TTLL5: variants seen among roughly 807,000 people sequenced by gnomAD.
The protein encoded by TTLL5 is tubulin tyrosine ligase like 5.
In TTLL5, 132 loss-of-function variants were observed where a neutral mutation model predicts 168.4. The observed-to-expected ratio is 0.78, with a 90% CI of 0.68 to 0.91. The LOEUF (loss-of-function observed/expected upper bound fraction) is 0.91. Ranked by LOEUF, TTLL5 falls within the 40% of genes least tolerant of loss-of-function variation. TTLL5 has a pLI of 0.00. For missense variants in TTLL5, 1,545 were observed against 1,581.5 expected, an observed-to-expected ratio of 0.98 and a Z score of 0.39; for synonymous variants, 546 against 558.6, an observed-to-expected ratio of 0.98 and a Z score of 0.32.
In TTLL5 at chr14:75,796,033, T is replaced by G. The variant is rs143773083; in HGVS notation, c.3171+2933T>G. 8.3e-3 allele frequency among the ~76,000 whole-genome samples: 1,259 copies of G among 152,346 alleles called. 14 individuals are homozygous for G. Among genetic ancestry groups the G allele is most frequent in the African/African-American group, 0.029 (1,186 of 41,578 alleles). On this transcript the variant is annotated intron_variant, in intron 27 of 31. Coordinates refer to ENST00000298832, the MANE Select transcript of TTLL5 (RefSeq NM_015072.5). ...GTGTTTTCCATAATGGTTGTACTAG[T>G]TTACATTCCCACCAACAGTGTAAAA...
At chr14:75,927,492 GA>G (rs2034115135) in intron 31 of TTLL5, among the ~76,000 whole-genome samples, 1 of 151,786 alleles carries the variant, frequency 6.6e-6, no homozygotes, top group Non-Finnish European at 1.5e-5. Context: ...AAAGTAAGAG[GA>G]AAAAAAAGCC....
intron 29 of TTLL5, among the ~76,000 whole-genome samples, chr14:75,869,813 C>G (rs1459828622): frequency 2.5e-5 from 1 of 39,376 alleles, no homozygotes; most frequent in East Asian, 9.5e-4. Flanking sequence ...TGTATACATT[C>G]AACAAGTATT....
chr14:75,774,250 C>T (rs1400642326), intron 21 of TTLL5, among the ~76,000 whole-genome samples: 2 of 152,150 alleles, frequency 1.3e-5, no homozygotes, highest in African/African-American at 2.4e-5. Context: ...TTTATGATTT[C>T]ATCAGTAATC....
chr14:75,786,314 C>G (rs796644571), intron 26 of TTLL5, among the ~76,000 whole-genome samples: 62 of 152,252 alleles, frequency 4.1e-4, no homozygotes, highest in African/African-American at 1.4e-3. Flanking sequence ...ATCATAAAAA[C>G]TTTTTCAAAA....
intron 9 of TTLL5, 132 bp from the exon 10 acceptor site, chr14:75,717,729 A>G: frequency 2.6e-6 from 2 of 766,490 alleles, no homozygotes; most frequent in South Asian, 1.7e-5. Context: ...GGGAGTTAGC[A>G]CTTAGTAGGC....
intron 29 of TTLL5, among the ~76,000 whole-genome samples, chr14:75,875,360 G>A (rs774396092): frequency 2.8e-4 from 41 of 145,484 alleles, no homozygotes; most frequent in Non-Finnish European, 5.1e-4. Flanking sequence ...TGGCCAACAC[G>A]GTGAAACCCC....
chr14:75,775,397 T>C (rs1273914607), intron 21 of TTLL5, 87 bp from the exon 22 acceptor site: 2 of 1,425,596 alleles, frequency 1.4e-6, no homozygotes, highest in African/African-American at 1.4e-5. Context: ...TTCTTCCATC[T>C]CTGTTATATA....
chr14:75,732,218 T>G, intron 12 of TTLL5, 120 bp from the exon 13 acceptor site: 2 of 678,644 alleles, frequency 2.9e-6, no homozygotes, highest in South Asian at 4.5e-5. Context: ...CTACTTCCAC[T>G]TGCTACTTAC....
intron 12 of TTLL5, among the ~76,000 whole-genome samples, chr14:75,731,370 T>TACACACACACACACAC (rs1217242558): frequency 7.6e-5 from 6 of 78,574 alleles, no homozygotes; most frequent in African/African-American, 2.9e-4. Context: ...AATATACACA[T>TACACACACACACACAC]ACATACACAC....
chr14:75,747,219 C>A (rs919380392), intron 17 of TTLL5, among the ~76,000 whole-genome samples: 1 of 151,954 alleles, frequency 6.6e-6, no homozygotes, highest in East Asian at 1.9e-4. Flanking sequence ...TCTATTAATT[C>A]TACCCAGTGA....
At chr14:75,709,113 A>T (rs914306405) in intron 9 of TTLL5, 4 of 715,640 alleles carry the variant, frequency 5.6e-6, no homozygotes, top group Admixed American at 2.0e-5. Context: ...TTAGGAGGTG[A>T]TTTGCATCTG....
intron 7 of TTLL5, among the ~76,000 whole-genome samples, chr14:75,704,548 A>C (rs1371563946): frequency 3.3e-5 from 5 of 152,242 alleles, no homozygotes; most frequent in Non-Finnish European, 7.3e-5. Context: ...TAGAAAAGAA[A>C]GATGTGTTTC....
rs543045839 is a variant in TTLL5 at position 75,707,495 on chromosome 14, G to A, written c.656-128G>A. The A allele has an allele frequency of 7.3e-6, 5 of 681,204 alleles. No individual in the cohort carries two copies. The South Asian group carries it at 9.7e-5, about 13-fold the overall frequency. The allele number at this position is 681,204 out of a possible 1,614,324, so 42.2% of individuals were successfully genotyped here. A position where few individuals can be genotyped will look rare whatever the true frequency, so the allele number is the denominator to read the frequency against. ...TATCCTCCGAAGTCAAGGTGTGTGAGCAGTGTGTGTTTCATGTGGAGTGTA... is the reference window on the plus strand; with the variant it reads ...TATCCTCCGAAGTCAAGGTGTGTGAACAGTGTGTGTTTCATGTGGAGTGTA... On this transcript the variant is annotated intron_variant, in intron 8 of 31. Transcript: ENST00000298832.
In TTLL5 at chr14:75,686,525, T is replaced by C. The variant is rs1019536741; in HGVS notation, c.371+2869T>C. Among the ~76,000 whole-genome samples the C allele has an allele frequency of 2.6e-5, 4 of 152,228 alleles. No individual in the cohort carries two copies. The South Asian group carries it at 8.3e-4, about 31-fold the overall frequency. ...AGTTACATGAGAGGTTGGGCAGTTA[T>C]TGCTATGGCAATACATTTATAAACG... On this transcript the variant is annotated intron_variant, in intron 5 of 31. Coordinates refer to ENST00000298832, the MANE Select transcript of TTLL5 (RefSeq NM_015072.5).
chr14:75,882,281 G>C (rs2031858596), intron 29 of TTLL5, among the ~76,000 whole-genome samples: 1 of 152,164 alleles, frequency 6.6e-6, no homozygotes, highest in Admixed American at 6.5e-5. Flanking sequence ...CAGGAATCAA[G>C]TCAAGCTGCA....
chr14:75,804,234 A>G (rs1212576120), intron 27 of TTLL5, among the ~76,000 whole-genome samples: 11 of 152,180 alleles, frequency 7.2e-5, no homozygotes, highest in Non-Finnish European at 1.6e-4. Context: ...TTACCCTGAG[A>G]CTTCCCTGCC....
At chr14:75,740,002 A>C (rs533910290) in intron 15 of TTLL5, among the ~76,000 whole-genome samples, 5 of 152,314 alleles carry the variant, frequency 3.3e-5, no homozygotes, top group African/African-American at 1.2e-4. Flanking sequence ...AATAATGCTT[A>C]GTTAATACCC....
At chr14:75,904,099 A>G (rs1359160928) in intron 31 of TTLL5, 2 of 1,246,628 alleles carry the variant, frequency 1.6e-6, no homozygotes, top group Non-Finnish European at 2.1e-6. Flanking sequence ...AGCCACACTG[A>G]TCCATGGAAG....
At chr14:75,877,050 G>T (rs567681150) in intron 29 of TTLL5, among the ~76,000 whole-genome samples, 4 of 152,266 alleles carry the variant, frequency 2.6e-5, no homozygotes, top group African/African-American at 9.6e-5. Context: ...ACAATCTAAT[G>T]TGGGGAGAAT....
Sources: gnomAD v4.1 joint callset for allele counts (sites outside exome capture counted in the v4.1 genomes callset) on GRCh38, gnomAD v4.1.1 for gene constraint, MANE v1.5 for transcripts, NCBI Gene and HGNC (gene_info 2026-07-23, HGNC 2026-07-21) for gene names.